The following BMPR1A variants were observed in gnomAD, a reference collection of about 807,000 sequenced individuals.
BMPR1A encodes bone morphogenetic protein receptor type-1A.
BMPR1A carries 7 observed loss-of-function variants against 66.0 expected under a neutral mutation model. That is an observed-to-expected ratio of 0.11 (90% confidence interval 0.06 to 0.20). BMPR1A has a LOEUF of 0.20. Among genes scored for constraint, BMPR1A ranks in the 10% least tolerant of loss-of-function variants. BMPR1A has a pLI of 1.00. For synonymous variants in BMPR1A, 200 were observed against 229.7 expected, an observed-to-expected ratio of 0.87 and a Z score of 1.17; for missense variants, 408 against 669.1, an observed-to-expected ratio of 0.61 and a Z score of 4.31.
At chr10:86,774,854 A>G (rs1841321448) in intron 1 of BMPR1A, among the ~76,000 whole-genome samples, 1 of 152,242 alleles carries the variant, frequency 6.6e-6, no homozygotes, top group Non-Finnish European at 1.5e-5. Context: ...TAAAAAATAT[A>G]TTAAATGAAA....
At chr10:86,796,490 C>CATTTATTTATTTATTT (rs138802508) in intron 1 of BMPR1A, among the ~76,000 whole-genome samples, 142 of 148,198 alleles carry the variant, frequency 9.6e-4, no homozygotes, top group African/African-American at 3.2e-3. Flanking sequence ...AATTTAGGCA[C>CATTTATTTATTTATTT]ATTTATTTAT....
chr10:86,804,996 G>A (rs994016573), intron 1 of BMPR1A, among the ~76,000 whole-genome samples: 15 of 152,020 alleles, frequency 9.9e-5, no homozygotes, highest in Non-Finnish European at 1.6e-4. Context: ...ACTCCCGGTA[G>A]CCTCAGGCGT....
chr10:86,866,416 T>TTTTTTTTTC (rs1842788805), intron 2 of BMPR1A, among the ~76,000 whole-genome samples: 1 of 133,962 alleles, frequency 7.5e-6, no homozygotes, highest in African/African-American at 2.9e-5. Flanking sequence ...TTTTTTTTTT[T>TTTTTTTTTC]TTTTTTTTTT....
At chr10:86,903,588 C>A (rs975968733) in intron 7 of BMPR1A, among the ~76,000 whole-genome samples, 2 of 151,526 alleles carry the variant, frequency 1.3e-5, no homozygotes, top group African/African-American at 4.9e-5. Context: ...TCAAATTTAT[C>A]TATTATTATT....
chr10:86,766,036 A>G (rs1314660870), intron 1 of BMPR1A, among the ~76,000 whole-genome samples: 1 of 136,748 alleles, frequency 7.3e-6, no homozygotes, highest in Non-Finnish European at 1.5e-5. Context: ...CCCAGGCTGC[A>G]GTGGTGCTGT....
intron 3 of BMPR1A, among the ~76,000 whole-genome samples, chr10:86,887,394 A>G (rs1449951059): frequency 2.0e-5 from 3 of 152,202 alleles, no homozygotes; most frequent in Admixed American, 6.5e-5. Context: ...GAAGTTTCAT[A>G]TAACTTTGAG....
At chr10:86,799,703 C>T (rs1480607553) in intron 1 of BMPR1A, among the ~76,000 whole-genome samples, 2 of 151,960 alleles carry the variant, frequency 1.3e-5, no homozygotes, top group Admixed American at 6.6e-5. Context: ...AGGCGCACAT[C>T]GTCACACCCA....
At chr10:86,808,879 T>G (rs1463142408) in intron 1 of BMPR1A, among the ~76,000 whole-genome samples, 1 of 152,226 alleles carries the variant, frequency 6.6e-6, no homozygotes, top group Non-Finnish European at 1.5e-5. Context: ...CCTGCCCATC[T>G]TCAGTAATCT....
At chr10:86,882,975 C>T (rs893765808) in intron 3 of BMPR1A, among the ~76,000 whole-genome samples, 1 of 151,602 alleles carries the variant, frequency 6.6e-6, no homozygotes, top group African/African-American at 2.4e-5. Context: ...AAAAAACAAA[C>T]AAAAAAACCA....
chr10:86,870,744 G>A (rs1393222132), intron 2 of BMPR1A, among the ~76,000 whole-genome samples: 1 of 151,766 alleles, frequency 6.6e-6, no homozygotes, highest in Non-Finnish European at 1.5e-5. Context: ...TTGAAGTATA[G>A]CATGAGTCCA....
intron 1 of BMPR1A, among the ~76,000 whole-genome samples, chr10:86,778,618 TCTAG>T (rs1439473804): frequency 1.3e-5 from 2 of 152,100 alleles, no homozygotes; most frequent in Non-Finnish European, 2.9e-5. Flanking sequence ...ATATTCTCCT[TCTAG>T]CTATTTGAAA....
chr10:86,851,832 G>C (rs929655937), intron 2 of BMPR1A, among the ~76,000 whole-genome samples: 1 of 152,216 alleles, frequency 6.6e-6, no homozygotes, highest in African/African-American at 2.4e-5. Context: ...GGTCTCAGCA[G>C]TTGTCAGATG....
chr10:86,786,672 T>G (rs1239799269), intron 1 of BMPR1A, among the ~76,000 whole-genome samples: 1 of 152,220 alleles, frequency 6.6e-6, no homozygotes, highest in Non-Finnish European at 1.5e-5. Context: ...TTTGAAACCC[T>G]CTTTGTTTTA....
At chr10:86,828,583 T>C (rs1314347961) in intron 1 of BMPR1A, among the ~76,000 whole-genome samples, 1 of 152,224 alleles carries the variant, frequency 6.6e-6, no homozygotes, top group Non-Finnish European at 1.5e-5. Context: ...CTTTATGTGT[T>C]GAGAGAGTGT....
intron 1 of BMPR1A, among the ~76,000 whole-genome samples, chr10:86,790,137 G>T (rs1841579265): frequency 8.8e-6 from 1 of 113,332 alleles, no homozygotes; most frequent in African/African-American, 3.3e-5. Context: ...ACTCCAGCCT[G>T]GACGACAGAG....
chr10:86,857,221 A>AC (rs1159628981), intron 2 of BMPR1A, among the ~76,000 whole-genome samples: 1 of 152,000 alleles, frequency 6.6e-6, no homozygotes, highest in East Asian at 1.9e-4. Context: ...TGGTGAGCAG[A>AC]CCCCATTCTG....
intron 8 of BMPR1A, among the ~76,000 whole-genome samples, chr10:86,916,171 C>T (rs1261731612): frequency 6.6e-6 from 1 of 152,174 alleles, no homozygotes; most frequent in Admixed American, 6.5e-5. Flanking sequence ...ATAAGTCAAA[C>T]GAGGTTTGTG....
intron 1 of BMPR1A, among the ~76,000 whole-genome samples, chr10:86,809,603 T>C (rs530196820): frequency 7.7e-6 from 1 of 129,272 alleles, no homozygotes; most frequent in African/African-American, 3.3e-5. Context: ...CTCTTTTTTT[T>C]TTTTTTTTTC....
At position 86,765,061 on chromosome 10, in the gene BMPR1A, C is replaced by T. The variant is rs1031070021; in HGVS notation, c.-268+8142C>T. On this transcript the variant is annotated intron_variant, in intron 1 of 12. Coordinates refer to ENST00000372037, the MANE Select transcript of BMPR1A (RefSeq NM_004329.3). ...CCTTGTCTCAGTTAAAAAAACAAAA[C>T]TGATTTCACAGGATTCTTTTTACTT... Among the ~76,000 whole-genome samples, 12 of 152,094 alleles carry T rather than the reference C, an allele frequency of 7.9e-5. No individual in the cohort carries two copies. In the East Asian group the frequency reaches 1.7e-3, roughly 22 times the overall value.
Sources: allele counts gnomAD v4.1 joint callset (sites outside exome capture counted in the v4.1 genomes callset), GRCh38; gene constraint gnomAD v4.1.1; transcripts MANE v1.5; gene names NCBI Gene and HGNC (gene_info 2026-07-23, HGNC 2026-07-21).